LRGUK: variants seen among roughly 807,000 people sequenced by gnomAD.
LRGUK encodes the protein leucine rich repeats and guanylate kinase domain containing, also known as leucine-rich repeat and guanylate kinase domain-containing protein.
A neutral mutation model predicts 76.0 loss-of-function variants in LRGUK; 65 were observed. The observed-to-expected ratio is 0.85, with a 90% CI of 0.70 to 1.05. The LOEUF (loss-of-function observed/expected upper bound fraction) is 1.05, where lower values mean the gene tolerates loss of function less well. Ranked by LOEUF, LRGUK falls within the 50% of genes least tolerant of loss-of-function variation. The pLI, the probability that LRGUK is intolerant of heterozygous loss-of-function variation, is 0.00. For synonymous variants in LRGUK, 268 were observed against 265.6 expected, an observed-to-expected ratio of 1.01 and a Z score of -0.09; for missense variants, 758 against 732.8, an observed-to-expected ratio of 1.03 and a Z score of -0.40.
chr7:134,163,586 G>T, intron 7 of LRGUK, 46 bp downstream of exon 7: 1 of 1,543,168 alleles, frequency 6.5e-7, no homozygotes, highest in Non-Finnish European at 8.8e-7. Context: ...TGACATAAGA[G>T]GACATATTAG....
exon 16 of LRGUK, chr7:134,209,531 A>G: frequency 2.5e-6 from 1 of 399,154 alleles, no homozygotes; most frequent in Non-Finnish European, 4.4e-6. Flanking sequence ...GCTTCCTAGA[A>G]GCCGGCTGGC....
At chr7:134,264,116 C>A in exon 20 of LRGUK, 1 of 720,768 alleles carries the variant, frequency 1.4e-6, no homozygotes, top group Non-Finnish European at 2.0e-6. Context: ...TTAATTCTAT[C>A]AGCCAGTTTC....
the LRGUK span, among the ~76,000 whole-genome samples, chr7:134,273,766 AT>A: frequency 2.0e-5 from 3 of 152,004 alleles, no homozygotes; most frequent in Non-Finnish European, 4.4e-5. Context: ...TCATATGCTT[AT>A]TTTTTATTAG....
intron 18 of LRGUK, among the ~76,000 whole-genome samples, chr7:134,255,497 A>G (rs1953065803): frequency 6.6e-6 from 1 of 152,170 alleles, no homozygotes; most frequent in Admixed American, 6.5e-5. Context: ...AGAAACACCA[A>G]TGACACAGGC....
rs373371325 is a variant in LRGUK at position 134,205,264 on chromosome 7, G to A, written c.1844-3443G>A. ...GATTGGTGCATTTTACAAACCTCTT[G>A]TAAGACAGGAAAGTTCCTGATTGGT... is the stretch of plus-strand genomic sequence containing the variant. On this transcript the variant is annotated intron_variant, in intron 15 of 15. Coordinates refer to ENST00000645682, the Ensembl canonical transcript of LRGUK. Among the ~76,000 whole-genome samples, 32 of 152,170 alleles carry A rather than the reference G, an allele frequency of 2.1e-4. 1 individual carries two copies. The East Asian group carries it at 2.9e-3, about 14-fold the overall frequency.
At chr7:134,178,517 T>C (rs768735853) in exon 10 of LRGUK, 1 of 1,611,690 alleles carries the variant, frequency 6.2e-7, no homozygotes, top group South Asian at 1.1e-5. Flanking sequence ...CAGCAGTGAA[T>C]AAATATGATC....
intron 5 of LRGUK, among the ~76,000 whole-genome samples, chr7:134,154,967 T>C (rs1392908863): frequency 6.6e-6 from 1 of 152,232 alleles, no homozygotes; most frequent in Non-Finnish European, 1.5e-5. Flanking sequence ...TTTCTGATCC[T>C]TGCCTGCTTC....
chr7:134,174,066 A>C (rs80189222), intron 7 of LRGUK, among the ~76,000 whole-genome samples: 5,463 of 150,986 alleles, frequency 0.036, 196 homozygotes, highest in East Asian at 0.19. Context: ...CCGAGATCAC[A>C]GCACTGCACT....
intron 16 of LRGUK, among the ~76,000 whole-genome samples, chr7:134,229,756 C>T (rs1024547144): frequency 6.6e-6 from 1 of 152,034 alleles, no homozygotes; most frequent in Admixed American, 6.5e-5. Context: ...GATCCATGCA[C>T]ACATGGAAAG....
At chr7:134,143,197 G>A (rs1563140715) in intron 4 of LRGUK, 35 bp downstream of exon 4, 2 of 1,302,904 alleles carry the variant, frequency 1.5e-6, no homozygotes, top group Non-Finnish European at 1.1e-6. Context: ...ACACATTAAG[G>A]GGTTTGCAAA....
intron 7 of LRGUK, among the ~76,000 whole-genome samples, chr7:134,163,974 T>C (rs1463571853): frequency 6.6e-6 from 1 of 152,116 alleles, no homozygotes; most frequent in African/African-American, 2.4e-5. Flanking sequence ...TGGGAAGATG[T>C]TGGTCAAAGG....
At chr7:134,206,399 C>T (rs889209415) in intron 15 of LRGUK, among the ~76,000 whole-genome samples, 2 of 152,012 alleles carry the variant, frequency 1.3e-5, no homozygotes, top group South Asian at 2.1e-4. Flanking sequence ...CCTGTAATCC[C>T]GGCTACTCGG....
At chr7:134,222,774 A>G (rs1456671436) in intron 16 of LRGUK, among the ~76,000 whole-genome samples, 1 of 151,822 alleles carries the variant, frequency 6.6e-6, no homozygotes, top group East Asian at 1.9e-4. Context: ...ATGCCTAGCT[A>G]ATTTTGTATT....
intron 4 of LRGUK, among the ~76,000 whole-genome samples, chr7:134,143,666 C>G (rs1424226070): frequency 6.6e-6 from 1 of 151,960 alleles, no homozygotes; most frequent in Non-Finnish European, 1.5e-5. Context: ...TCTAACTTTA[C>G]TTTTTAAGAA....
rs184389257 is a variant in LRGUK at position 134,258,918 on chromosome 7, C to T, written c.2347+513C>T. Reference sequence around the variant, plus strand: ...TTGAGAAAGGTGGGGAATCCACCCACGGTCACTTAGCTACTTTGAGTAGAA... The same window carrying T: ...TTGAGAAAGGTGGGGAATCCACCCATGGTCACTTAGCTACTTTGAGTAGAA... On this transcript the variant is annotated intron_variant, in intron 19 of 19. Transcript: ENST00000285928. Among the ~76,000 whole-genome samples the T allele has an allele frequency of 2.6e-4, 40 of 152,236 alleles. 1 individual carries two copies. The highest frequency in any genetic ancestry group is 8.4e-4 in the African/African-American group (35 of 41,548).
At chr7:134,249,483 C>A (rs1165250875) in intron 18 of LRGUK, among the ~76,000 whole-genome samples, 2 of 152,144 alleles carry the variant, frequency 1.3e-5, no homozygotes, top group Non-Finnish European at 2.9e-5. Context: ...TTGTTCCCGC[C>A]TCATTTTAAG....
At chr7:134,244,249 A>AT (rs1417291888) in intron 16 of LRGUK, among the ~76,000 whole-genome samples, 1 of 152,246 alleles carries the variant, frequency 6.6e-6, no homozygotes, top group Non-Finnish European at 1.5e-5. Flanking sequence ...AGAAACTACC[A>AT]TCATAGTGAA....
At chr7:134,212,835 T>A (rs532359970), downstream of LRGUK, among the ~76,000 whole-genome samples, 6 of 152,320 alleles carry the variant, frequency 3.9e-5, no homozygotes, top group East Asian at 1.2e-3. Flanking sequence ...AATAACACCA[T>A]GTGATTAGGG....
chr7:134,180,935 C>G (rs1799713715), intron 10 of LRGUK, among the ~76,000 whole-genome samples: 1 of 152,150 alleles, frequency 6.6e-6, no homozygotes, highest in Admixed American at 6.5e-5. Flanking sequence ...CTCTAATGTA[C>G]TTTTGTCTCT....
Sources: allele counts gnomAD v4.1 joint callset (sites outside exome capture counted in the v4.1 genomes callset), GRCh38; gene constraint gnomAD v4.1.1; transcripts MANE v1.5; gene names NCBI Gene and HGNC (gene_info 2026-07-23, HGNC 2026-07-21).